RBMS3: variants seen among roughly 807,000 people sequenced by gnomAD.
RBMS3 encodes RNA-binding motif, single-stranded-interacting protein 3.
A neutral mutation model predicts 66.8 loss-of-function variants in RBMS3; 27 were observed. The observed-to-expected ratio is 0.40, with a 90% confidence interval of 0.30 to 0.56. The LOEUF is 0.56. Ranked by LOEUF, RBMS3 falls within the 20% of genes least tolerant of loss-of-function variation. The pLI is 0.40. For synonymous variants in RBMS3, 188 were observed against 183.0 expected, an observed-to-expected ratio of 1.03 and a Z score of -0.22; for missense variants, 513 against 549.5, an observed-to-expected ratio of 0.93 and a Z score of 0.66.
intron 6 of RBMS3, among the ~76,000 whole-genome samples, chr3:29,796,678 C>T (rs923663775): frequency 2.0e-5 from 3 of 148,736 alleles, no homozygotes; most frequent in African/African-American, 5.1e-5. Flanking sequence ...GACCCAGGTG[C>T]ATAATCAATG....
At chr3:29,698,308 G>T in intron 4 of RBMS3, 6 of 985,404 alleles carry the variant, frequency 6.1e-6, no homozygotes, top group Non-Finnish European at 7.2e-6. Flanking sequence ...GGCAAACAGA[G>T]AATCAACAAT....
chr3:29,987,841 G>A (rs993059777), intron 12 of RBMS3, among the ~76,000 whole-genome samples: 11 of 152,150 alleles, frequency 7.2e-5, no homozygotes, highest in African/African-American at 2.2e-4. Flanking sequence ...GTGTTTAGAT[G>A]TGAAATGTGA....
At chr3:29,503,375 A>G (rs2044051650) in intron 3 of RBMS3, among the ~76,000 whole-genome samples, 2 of 151,962 alleles carry the variant, frequency 1.3e-5, no homozygotes, top group African/African-American at 4.8e-5. Context: ...CTTTACGGAA[A>G]TGTTAAGCAT....
At chr3:29,853,760 C>G (rs932776286) in intron 6 of RBMS3, among the ~76,000 whole-genome samples, 2 of 152,132 alleles carry the variant, frequency 1.3e-5, no homozygotes, top group African/African-American at 2.4e-5. Context: ...TCCAGCTAGT[C>G]CTGTCTCTCA....
At chr3:29,843,979 A>G (rs2058721904) in intron 6 of RBMS3, among the ~76,000 whole-genome samples, 1 of 151,902 alleles carries the variant, frequency 6.6e-6, no homozygotes, top group Admixed American at 6.6e-5. Flanking sequence ...GGTTGCTTTC[A>G]GTTAGTCTGT....
At chr3:29,330,750 T>G (rs2035606735) in intron 1 of RBMS3, among the ~76,000 whole-genome samples, 1 of 152,174 alleles carries the variant, frequency 6.6e-6, no homozygotes, top group Admixed American at 6.6e-5. Context: ...AGAGGGGGAA[T>G]AATTATATAA....
intron 5 of RBMS3, among the ~76,000 whole-genome samples, chr3:29,750,743 C>T (rs2055138416): frequency 1.3e-5 from 2 of 152,208 alleles, no homozygotes; most frequent in South Asian, 4.2e-4. Flanking sequence ...TGTTGTTCCC[C>T]TCTATTTGCC....
intron 1 of RBMS3, among the ~76,000 whole-genome samples, chr3:29,340,552 G>A (rs1461351023): frequency 6.6e-5 from 10 of 152,140 alleles, no homozygotes; most frequent in East Asian, 1.9e-4. Flanking sequence ...TCTTTATAGC[G>A]TCAGTTCCAA....
intron 6 of RBMS3, among the ~76,000 whole-genome samples, chr3:29,818,177 A>G (rs2057969177): frequency 1.3e-5 from 2 of 152,222 alleles, no homozygotes; most frequent in Non-Finnish European, 2.9e-5. Context: ...CAAATTCTAT[A>G]TTTTTCACTG....
intron 4 of RBMS3, among the ~76,000 whole-genome samples, chr3:29,663,006 GT>G (rs1379140976): frequency 7.2e-5 from 11 of 152,126 alleles, no homozygotes; most frequent in Non-Finnish European, 1.6e-4. Flanking sequence ...GGAGGCAGAG[GT>G]TACTGTCTGA....
chr3:29,981,858 T>C (rs987911181), intron 12 of RBMS3, among the ~76,000 whole-genome samples: 1 of 152,220 alleles, frequency 6.6e-6, no homozygotes, highest in East Asian at 1.9e-4. Context: ...TTTGCATTGA[T>C]GTTCATCAGG....
chr3:29,788,432 A>T (rs2056897723), intron 6 of RBMS3, among the ~76,000 whole-genome samples: 1 of 151,852 alleles, frequency 6.6e-6, no homozygotes, highest in African/African-American at 2.4e-5. Flanking sequence ...TCATTGTGTT[A>T]TCCAGGATTG....
At chr3:29,881,977 A>G (rs1201604368) in intron 7 of RBMS3, among the ~76,000 whole-genome samples, 2 of 152,148 alleles carry the variant, frequency 1.3e-5, no homozygotes, top group Non-Finnish European at 2.9e-5. Flanking sequence ...GACTGAATAT[A>G]TGACTATCAT....
intron 1 of RBMS3, among the ~76,000 whole-genome samples, chr3:29,396,576 C>G (rs1401948046): frequency 6.6e-5 from 10 of 152,106 alleles, no homozygotes; most frequent in Non-Finnish European, 1.5e-4. Flanking sequence ...CCATGATTTA[C>G]CAATTTCACT....
At chr3:29,948,018 A>G (rs919355397) in intron 12 of RBMS3, among the ~76,000 whole-genome samples, 6 of 151,540 alleles carry the variant, frequency 4.0e-5, no homozygotes, top group African/African-American at 1.5e-4. Context: ...AATACACTGA[A>G]AAGAACCTGT....
chr3:29,626,487 G>T (rs2049065293), intron 4 of RBMS3, among the ~76,000 whole-genome samples: 1 of 152,118 alleles, frequency 6.6e-6, no homozygotes, highest in African/African-American at 2.4e-5. Flanking sequence ...AGTGTGAGTG[G>T]CAAAGTGGCA....
chr3:29,342,967 G>A (rs769898351), intron 1 of RBMS3, among the ~76,000 whole-genome samples: 9 of 152,104 alleles, frequency 5.9e-5, no homozygotes, highest in Non-Finnish European at 1.3e-4. Context: ...TATGTATTAT[G>A]TTTAAGCTAT....
intron 4 of RBMS3, among the ~76,000 whole-genome samples, chr3:29,665,011 A>G (rs1416803101): frequency 6.6e-6 from 1 of 152,178 alleles, no homozygotes; most frequent in Admixed American, 6.5e-5. Flanking sequence ...GAATAGAAGA[A>G]CTTATGAAGA....
chr3:29,484,784 A>G (rs2043260894), intron 2 of RBMS3, among the ~76,000 whole-genome samples: 1 of 152,190 alleles, frequency 6.6e-6, no homozygotes, highest in Admixed American at 6.5e-5. Context: ...CAAATGCCAA[A>G]GAATGAATGA....
Sources: allele counts gnomAD v4.1 joint callset (sites outside exome capture counted in the v4.1 genomes callset), GRCh38; gene constraint gnomAD v4.1.1; transcripts MANE v1.5; gene names NCBI Gene and HGNC (gene_info 2026-07-23, HGNC 2026-07-21).